BLTP3B: variants seen among roughly 807,000 people sequenced by gnomAD.
The protein encoded by BLTP3B is bridge-like lipid transfer protein family member 3B, also known as UHRF1 (ICBP90) binding protein 1-like.
the BLTP3B span, among the ~76,000 whole-genome samples, chr12:100,094,215 A>G: frequency 6.6e-6 from 1 of 152,138 alleles, no homozygotes; most frequent in Non-Finnish European, 1.5e-5. Context: ...AACAATCTTC[A>G]TGCTTCAGTC....
the BLTP3B span, chr12:100,128,820 C>A: frequency 1.9e-6 from 2 of 1,074,918 alleles, no homozygotes; most frequent in Non-Finnish European, 1.2e-6. Context: ...AGCTGTGGTG[C>A]CCTTTGGAAA....
At chr12:100,061,944 G>A in the BLTP3B span, among the ~76,000 whole-genome samples, 2 of 152,198 alleles carry the variant, frequency 1.3e-5, no homozygotes, top group Non-Finnish European at 2.9e-5. Context: ...TGTATTTGGA[G>A]CTAAAGCCTT....
At chr12:100,059,320 G>C in the BLTP3B span, 2 of 1,613,904 alleles carry the variant, frequency 1.2e-6, no homozygotes, top group Non-Finnish European at 1.7e-6. Context: ...ATTGGATGTA[G>C]AAGATTAAAA....
chr12:100,116,577 C>T, the BLTP3B span, among the ~76,000 whole-genome samples: 1 of 151,590 alleles, frequency 6.6e-6, no homozygotes, highest in African/African-American at 2.4e-5. Flanking sequence ...AAGACAGGAA[C>T]AGAAGAGAAC....
At chr12:100,100,847 A>C in the BLTP3B span, among the ~76,000 whole-genome samples, 1 of 152,088 alleles carries the variant, frequency 6.6e-6, no homozygotes, top group Non-Finnish European at 1.5e-5. Flanking sequence ...TGTAGATTTA[A>C]TAAGCACTCT....
At chr12:100,059,693 A>T in the BLTP3B span, among the ~76,000 whole-genome samples, 1 of 152,214 alleles carries the variant, frequency 6.6e-6, no homozygotes, top group African/African-American at 2.4e-5. Context: ...CTCAAATCTT[A>T]TTAAATTGAG....
chr12:100,075,525 A>G, the BLTP3B span, among the ~76,000 whole-genome samples: 1 of 152,200 alleles, frequency 6.6e-6, no homozygotes, highest in Non-Finnish European at 1.5e-5. Context: ...AGCAAAATAA[A>G]CTATCAACAG....
the BLTP3B span, among the ~76,000 whole-genome samples, chr12:100,128,405 G>A: frequency 6.6e-6 from 1 of 152,154 alleles, no homozygotes; most frequent in East Asian, 1.9e-4. Flanking sequence ...AAAAGAAAGA[G>A]AAGACACTCA....
chr12:100,064,957 G>T, the BLTP3B span, among the ~76,000 whole-genome samples: 1 of 150,262 alleles, frequency 6.7e-6, no homozygotes, highest in South Asian at 2.1e-4. Flanking sequence ...GGTACCTCAC[G>T]TCTCAATACT....
chr12:100,057,977 C>T, the BLTP3B span: 4 of 1,517,764 alleles, frequency 2.6e-6, no homozygotes, highest in Non-Finnish European at 3.5e-6. Flanking sequence ...CATAGGCACA[C>T]ACGCTCCACA....
the BLTP3B span, among the ~76,000 whole-genome samples, chr12:100,126,769 G>A: frequency 1.3e-5 from 2 of 152,204 alleles, no homozygotes; most frequent in Admixed American, 1.3e-4. Flanking sequence ...TCAGTGTTTA[G>A]TTGCAACAAC....
the BLTP3B span, chr12:100,098,398 T>C: frequency 2.5e-6 from 4 of 1,613,288 alleles, no homozygotes; most frequent in Non-Finnish European, 3.4e-6. Flanking sequence ...CAAATCTCCA[T>C]GTTCCCAGTG....
At chr12:100,048,771 A>AGAGTGT in the BLTP3B span, among the ~76,000 whole-genome samples, 1 of 114,978 alleles carries the variant, frequency 8.7e-6, no homozygotes, top group Non-Finnish European at 1.8e-5. Context: ...AGTGAGAGTG[A>AGAGTGT]GTGTGTGTGT....
At chr12:100,080,072 G>A in the BLTP3B span, among the ~76,000 whole-genome samples, 3 of 152,216 alleles carry the variant, frequency 2.0e-5, no homozygotes, top group Admixed American at 6.5e-5. Flanking sequence ...GCAGGGGTGG[G>A]GCCCTCATGG....
At chr12:100,115,932 T>A in the BLTP3B span, among the ~76,000 whole-genome samples, 20 of 152,190 alleles carry the variant, frequency 1.3e-4, no homozygotes, top group African/African-American at 4.8e-4. Flanking sequence ...ATCCCAGCAC[T>A]TTAAGGCAGG....
chr12:100,078,505 C>A, the BLTP3B span, among the ~76,000 whole-genome samples: 1 of 152,146 alleles, frequency 6.6e-6, no homozygotes, highest in Non-Finnish European at 1.5e-5. Context: ...GATAGCAAAA[C>A]GACGCAGGGT....
At chr12:100,125,501 T>G in the BLTP3B span, among the ~76,000 whole-genome samples, 1 of 151,820 alleles carries the variant, frequency 6.6e-6, no homozygotes, top group African/African-American at 2.4e-5. Context: ...AAATAAAACA[T>G]TAGCCGAGCA....
the BLTP3B span, among the ~76,000 whole-genome samples, chr12:100,084,293 A>G: frequency 1.3e-5 from 2 of 151,762 alleles, no homozygotes; most frequent in South Asian, 4.2e-4. Flanking sequence ...CAGGAGTTTG[A>G]GACTACCCTA....
chr12:100,124,891 C>T, the BLTP3B span, among the ~76,000 whole-genome samples: 4 of 138,298 alleles, frequency 2.9e-5, no homozygotes, highest in African/African-American at 1.1e-4. Context: ...CACTATACTC[C>T]CACCTGGGTG....
Sources: allele counts gnomAD v4.1 joint callset (sites outside exome capture counted in the v4.1 genomes callset), GRCh38; gene constraint gnomAD v4.1.1; transcripts MANE v1.5; gene names NCBI Gene and HGNC (gene_info 2026-07-23, HGNC 2026-07-21).